The following BRSK2 variants were observed in gnomAD, a reference collection of about 807,000 sequenced individuals.
BRSK2 encodes the protein BR serine/threonine kinase 2.
In BRSK2, 19 loss-of-function variants were observed where a neutral mutation model predicts 83.3. The observed-to-expected ratio is 0.23, with a 90% CI of 0.16 to 0.33. BRSK2 has a LOEUF of 0.33. Among genes scored for constraint, BRSK2 ranks in the 10% least tolerant of loss-of-function variants. BRSK2 has a pLI of 1.00. For missense variants in BRSK2, 798 were observed against 1,042.3 expected (o/e 0.77, Z 3.23); for synonymous variants, 519 against 435.4 (o/e 1.19, Z -2.39).
chr11:1,395,422 CT>C (rs1216869681), intron 1 of BRSK2, among the ~76,000 whole-genome samples: 2 of 152,224 alleles, frequency 1.3e-5, no homozygotes, highest in Non-Finnish European at 2.9e-5. Context: ...GATGCTGCCC[CT>C]GGCGTCTTCC....
chr11:1,424,743 G>GT (rs952940589), intron 1 of BRSK2, among the ~76,000 whole-genome samples: 25 of 152,032 alleles, frequency 1.6e-4, no homozygotes, highest in African/African-American at 5.1e-4. Flanking sequence ...GAGTCGGGGG[G>GT]GCCAGGCAGG....
intron 1 of BRSK2, chr11:1,410,957 G>T (rs376547175): frequency 8.1e-6 from 8 of 987,862 alleles, no homozygotes; most frequent in Middle Eastern, 5.1e-4. Context: ...CTGGGGTGGG[G>T]GCTCCAGCCC....
intron 1 of BRSK2, among the ~76,000 whole-genome samples, chr11:1,393,510 A>G (rs971080256): frequency 6.6e-6 from 1 of 152,194 alleles, no homozygotes; most frequent in African/African-American, 2.4e-5. Flanking sequence ...CGAAGGAGCT[A>G]GGATGAGGGG....
intron 1 of BRSK2, among the ~76,000 whole-genome samples, chr11:1,399,230 C>T (rs891675813): frequency 3.3e-5 from 5 of 152,098 alleles, no homozygotes; most frequent in African/African-American, 4.8e-5. Context: ...TGGTTCCAGA[C>T]GCTGGCTGAG....
At position 1,454,672 on chromosome 11, in the gene BRSK2, GA is replaced by G. The variant is rs1276226456; in HGVS notation, c.1668+66del. ...CCAACCCCACACGGCCCAGCCCCGAGAATCCAGCCTCCTCACGTAGACAGGA... is the reference window on the plus strand; with the variant it reads ...CCAACCCCACACGGCCCAGCCCCGAGATCCAGCCTCCTCACGTAGACAGGA... On this transcript the variant is annotated intron_variant, in intron 16 of 19. Coordinates refer to ENST00000528841, the MANE Select transcript of BRSK2 (RefSeq NM_001256627.2). This position sits in a 1 kb window ranked among gnomAD's most constrained non-coding sequence, Gnocchi z 5.2. 6.3e-7 allele frequency: 1 copy of G among 1,588,816 alleles called. No individual in the cohort carries two copies. Among genetic ancestry groups the G allele is most frequent in the Non-Finnish European group, 8.6e-7 (1 of 1,165,554 alleles).
At chr11:1,395,845 G>T (rs528939623) in intron 1 of BRSK2, among the ~76,000 whole-genome samples, 2 of 152,298 alleles carry the variant, frequency 1.3e-5, no homozygotes, top group South Asian at 4.1e-4. Context: ...GCTTTCCAGA[G>T]TCACCGTGGC....
At chr11:1,393,344 C>T (rs1832647846) in intron 1 of BRSK2, among the ~76,000 whole-genome samples, 2 of 152,086 alleles carry the variant, frequency 1.3e-5, no homozygotes. Context: ...TGGGAGGGCC[C>T]TGTGGGAGGA....
At position 1,454,646 on chromosome 11, in the gene BRSK2, C is replaced by T; in HGVS notation, c.1668+38C>T. 3 of 1,609,300 alleles carry T rather than the reference C, an allele frequency of 1.9e-6. No individual in the cohort carries two copies. The highest frequency in any genetic ancestry group is 2.5e-6 in the Non-Finnish European group (3 of 1,178,796). On this transcript the variant is annotated intron_variant, in intron 16 of 19. Coordinates refer to ENST00000528841, the MANE Select transcript of BRSK2 (RefSeq NM_001256627.2). This position sits in a 1 kb window ranked among gnomAD's most constrained non-coding sequence, Gnocchi z 5.2. ...GGCGCTGGGGGAGGCGGGCAGCCCT[C>T]CCAACCCCACACGGCCCAGCCCCGA...
rs67861777 is a variant in BRSK2 at position 1,456,538 on chromosome 11, C to G, written c.1849+10C>G. On this transcript the variant is annotated intron_variant, in intron 17 of 19. Transcript: ENST00000528841. ...TTCACCCTGCTCTCAGGTGAGCTGG[C>G]GCCCCCAGGGCGGCTCCGGGCCCAG... 1.3e-6 allele frequency: 2 copies of G among 1,587,896 alleles called. No individual in the cohort carries two copies. Among genetic ancestry groups the G allele is most frequent in the Admixed American group, 1.8e-5 (1 of 56,304 alleles).
At chr11:1,441,074 T>G (rs1163559811) in intron 4 of BRSK2, 146 bp downstream of exon 4, 12 of 643,828 alleles carry the variant, frequency 1.9e-5, no homozygotes, top group Non-Finnish European at 3.1e-5. Flanking sequence ...GCCCCTCAAG[T>G]GCACCATCTC....
intron 1 of BRSK2, among the ~76,000 whole-genome samples, chr11:1,394,209 T>TC (rs1487136232): frequency 6.0e-5 from 5 of 83,512 alleles, no homozygotes; most frequent in Non-Finnish European, 8.9e-5. Context: ...TGGAGATGGG[T>TC]CCTGGAGATG....
chr11:1,434,827 G>A (rs563229987), intron 1 of BRSK2, among the ~76,000 whole-genome samples: 4 of 152,252 alleles, frequency 2.6e-5, no homozygotes, highest in East Asian at 3.9e-4. Flanking sequence ...ACATGAGTGC[G>A]CCTGAGGACC....
At chr11:1,407,624 G>A (rs920136484) in intron 1 of BRSK2, among the ~76,000 whole-genome samples, 3 of 152,194 alleles carry the variant, frequency 2.0e-5, no homozygotes, top group Non-Finnish European at 2.9e-5. Flanking sequence ...TAGGGGCCTC[G>A]ACGCAGCCCC....
Position 1,438,683 on chromosome 11 carries a change from C to T in BRSK2, c.272+292C>T, listed in dbSNP as rs1850683859. On this transcript the variant is annotated intron_variant, in intron 3 of 19. Transcript: ENST00000528841. The surrounding 1 kb of genome is among the most constrained non-coding windows in gnomAD (Gnocchi z 6.4). ...CCTTCTGGAGGGGAGATAGGAGTTT[C>T]AGGGCAAGGGGCAGGAGCACCTGGC... 6.6e-6 allele frequency among the ~76,000 whole-genome samples: 1 copy of T among 152,094 alleles called. No homozygotes were observed. Among genetic ancestry groups the T allele is most frequent in the South Asian group, 2.1e-4 (1 of 4,830 alleles).
At chr11:1,411,050 A>G in intron 1 of BRSK2, 1 of 1,079,144 alleles carries the variant, frequency 9.3e-7, no homozygotes, top group Non-Finnish European at 1.1e-6. Flanking sequence ...CCATGGCAAC[A>G]GATGGAGATT....
Position 1,438,540 on chromosome 11 carries a change from C to T in BRSK2, c.272+149C>T. 2 of 692,400 alleles carry T rather than the reference C, an allele frequency of 2.9e-6. No homozygotes were observed. The highest frequency in any genetic ancestry group is 3.6e-5 in the South Asian group (2 of 55,414). 42.9% of individuals were successfully genotyped at this position (692,400 alleles called of 1,614,324 possible). A position where few individuals can be genotyped will look rare whatever the true frequency, so the allele number is the denominator to read the frequency against. On this transcript the variant is annotated intron_variant, in intron 3 of 19. Transcript: ENST00000528841. The surrounding 1 kb of genome is among the most constrained non-coding windows in gnomAD (Gnocchi z 6.4). ...GCCCTGGCCCTGCTAGCATGAACACCTGCCTGGGTAGGGTCTCAGCCCAGG... is the reference window on the plus strand; with the variant it reads ...GCCCTGGCCCTGCTAGCATGAACACTTGCCTGGGTAGGGTCTCAGCCCAGG...
chr11:1,436,946 G>T (rs1397939061), intron 2 of BRSK2, among the ~76,000 whole-genome samples: 3 of 151,976 alleles, frequency 2.0e-5, no homozygotes, highest in African/African-American at 7.2e-5. Context: ...AGCTGCTGGG[G>T]TGTGGAGGAA....
chr11:1,393,112 A>C (rs1323748217), intron 1 of BRSK2, among the ~76,000 whole-genome samples: 1 of 151,720 alleles, frequency 6.6e-6, no homozygotes, highest in Admixed American at 6.6e-5. Context: ...TCTGAGCTTG[A>C]CCCCTGCAGA....
At chr11:1,398,858 G>A (rs1846286717) in intron 1 of BRSK2, among the ~76,000 whole-genome samples, 1 of 152,170 alleles carries the variant, frequency 6.6e-6, no homozygotes, top group Non-Finnish European at 1.5e-5. Context: ...GCCAGGAGAT[G>A]TGTGGGGCCC....
Sources: gnomAD v4.1 joint callset for allele counts (sites outside exome capture counted in the v4.1 genomes callset) on GRCh38, gnomAD v4.1.1 for gene constraint, Gnocchi (gnomAD v3.1) non-coding constraint, MANE v1.5 for transcripts, NCBI Gene and HGNC (gene_info 2026-07-23, HGNC 2026-07-21) for gene names.